The following INVS variants were observed in gnomAD, a reference collection of about 807,000 sequenced individuals.
INVS encodes inversin, also known as inversion of embryo turning homolog.
INVS carries 86 observed loss-of-function variants against 108.8 expected under a neutral mutation model. The ratio of observed to expected loss-of-function variants is 0.79; its 90% CI spans 0.66 to 0.95. The LOEUF is 0.95. Among genes scored for constraint, INVS ranks in the 40% least tolerant of loss-of-function variants. The probability of loss-of-function intolerance (pLI) is 0.00; values close to 1 mark genes in which losing one functional copy is unlikely to be tolerated. For missense variants in INVS, 1,169 were observed against 1,297.4 expected (o/e 0.90, Z 1.52); for synonymous variants, 455 against 473.5 (o/e 0.96, Z 0.51).
Position 100,126,496 on chromosome 9 carries a change from G to T in INVS, c.220G>T (p.Val74Leu). Reference sequence around the variant, plus strand: ...TGCTCTTCTGAAGGCAGGAGCAGATGTGAATAAAACTGACCATAGCCAGAG... The same window carrying T: ...TGCTCTTCTGAAGGCAGGAGCAGATTTGAATAAAACTGACCATAGCCAGAG... ...ADALLKAGAD[V>L]NKTDHSQRTA... is the part of the protein sequence containing the mutation. Residue 74 changes from valine (V) to leucine (L), a missense_variant, in exon 3 of 17, where the codon GTG becomes TTG. Val to Leu is a conservative substitution (Grantham distance 32, BLOSUM62 1). Transcript: ENST00000262457. 1 of 1,614,186 alleles carries T rather than the reference G, an allele frequency of 6.2e-7. No homozygotes were observed. The highest frequency in any genetic ancestry group is 1.6e-4 in the Middle Eastern group (1 of 6,062).
intron 3 of INVS, among the ~76,000 whole-genome samples, 180 bp downstream of exon 3, chr9:100,126,729 C>T (rs1036510874): frequency 2.6e-5 from 4 of 152,094 alleles, no homozygotes; most frequent in African/African-American, 4.8e-5. Flanking sequence ...TAACTATCAG[C>T]GGCTGCATTT....
chr9:100,231,321 TA>T (rs1157815710), intron 5 of INVS, among the ~76,000 whole-genome samples: 1 of 152,186 alleles, frequency 6.6e-6, no homozygotes, highest in East Asian at 1.9e-4. Context: ...ATTTTCCTTC[TA>T]AAGTTATTAT....
At chr9:100,241,078 G>A (rs1363699660) in intron 6 of INVS, among the ~76,000 whole-genome samples, 1 of 152,038 alleles carries the variant, frequency 6.6e-6, no homozygotes, top group African/African-American at 2.4e-5. Flanking sequence ...TTTAGTACTT[G>A]TTAATGTAAT....
intron 3 of INVS, among the ~76,000 whole-genome samples, chr9:100,210,350 A>T (rs1194157246): frequency 6.6e-6 from 1 of 152,214 alleles, no homozygotes; most frequent in Non-Finnish European, 1.5e-5. Flanking sequence ...AATTGATTGG[A>T]AGGAGTGGGA....
At chr9:100,273,682 C>T (rs992059186) in intron 12 of INVS, among the ~76,000 whole-genome samples, 10 of 151,532 alleles carry the variant, frequency 6.6e-5, no homozygotes, top group East Asian at 6.0e-4. Flanking sequence ...GGACTACAGG[C>T]GCGCGCCACC....
chr9:100,143,545 T>TG (rs1828501242), intron 3 of INVS, among the ~76,000 whole-genome samples: 1 of 151,250 alleles, frequency 6.6e-6, no homozygotes, highest in South Asian at 2.1e-4. Flanking sequence ...TGGGTTAAGA[T>TG]GGGGAGATAC....
chr9:100,301,348 C>T lies in INVS; in HGVS notation c.*674C>T, dbSNP rs1214420057. ...CTCTCAAGGCCACAAGTTGCCGCCA[C>T]GTCTTCACTGAATGGCTTTCTCAGT... is the stretch of plus-strand genomic sequence containing the variant. On this transcript the variant is annotated 3_prime_UTR_variant, in exon 17 of 17. Transcript: ENST00000262457. Among the ~76,000 whole-genome samples the T allele has an allele frequency of 3.3e-5, 5 of 152,188 alleles. No individual in the cohort carries two copies. The highest frequency in any genetic ancestry group is 1.2e-4 in the African/African-American group (5 of 41,448).
At position 100,147,577 on chromosome 9, in the gene INVS, C is replaced by T. The variant is rs373090136; in HGVS notation, c.273+21028C>T. ...AATTGCAAATGCATATACCCTTTGACCAGGCAATTCCATTTCTGGTAATTT... is the reference window on the plus strand; with the variant it reads ...AATTGCAAATGCATATACCCTTTGATCAGGCAATTCCATTTCTGGTAATTT... On this transcript the variant is annotated intron_variant, in intron 3 of 16. Transcript: ENST00000262457. Among the ~76,000 whole-genome samples, 15 of 152,220 alleles carry T rather than the reference C, an allele frequency of 9.9e-5. No individual in the cohort carries two copies. In the South Asian group the frequency reaches 2.9e-3, roughly 29 times the overall value.
intron 7 of INVS, among the ~76,000 whole-genome samples, chr9:100,245,328 G>C (rs1832008711): frequency 6.6e-6 from 1 of 152,170 alleles, no homozygotes; most frequent in Non-Finnish European, 1.5e-5. Context: ...TGCCCAGGCT[G>C]GAGTGCAATG....
chr9:100,175,592 G>T, intron 3 of INVS: 1 of 697,742 alleles, frequency 1.4e-6, no homozygotes, highest in African/African-American at 1.8e-5. Flanking sequence ...TAAAATATAA[G>T]AGGTGGCAGA....
chr9:100,179,823 A>G (rs373017843), intron 3 of INVS, among the ~76,000 whole-genome samples: 2 of 152,222 alleles, frequency 1.3e-5, no homozygotes, highest in African/African-American at 4.8e-5. Flanking sequence ...TCTCCACCCC[A>G]TATCAACAGA....
At position 100,297,120 on chromosome 9, in the gene INVS, A is replaced by T; in HGVS notation, c.2990A>T (p.Lys997Met). 1.2e-6 allele frequency: 2 copies of T among 1,614,090 alleles called. No individual in the cohort carries two copies. The highest frequency in any genetic ancestry group is 4.5e-5 in the East Asian group (2 of 44,852). Residue 997 changes from lysine (K) to methionine (M), a missense_variant, in exon 15 of 17, where the codon AAG becomes ATG. This residue lies in a region of INVS where 533 missense variants were observed against 536.0 expected (regional missense o/e 0.99). Coordinates refer to ENST00000262457, the MANE Select transcript of INVS (RefSeq NM_014425.5). Reference sequence around the variant, plus strand: ...GGCACCTCAGGCACAAAGTCCACCAAGCACTCAGTGCTTAAGCAAATCTAT... The same window carrying T: ...GGCACCTCAGGCACAAAGTCCACCATGCACTCAGTGCTTAAGCAAATCTAT... ...SKGTSGTKST[K>M]HSVLKQIYGC...
chr9:100,212,117 C>T (rs1830849153), intron 3 of INVS, among the ~76,000 whole-genome samples: 2 of 152,138 alleles, frequency 1.3e-5, no homozygotes, highest in Admixed American at 1.3e-4. Context: ...GTTTGCTTCC[C>T]TATAAAATCA....
intron 2 of INVS, among the ~76,000 whole-genome samples, chr9:100,109,581 C>T (rs1007728390): frequency 6.6e-6 from 1 of 152,174 alleles, no homozygotes; most frequent in Admixed American, 6.5e-5. Context: ...CCAGGAAGCA[C>T]CATTCTGATT....
chr9:100,218,035 A>G (rs1338772798), intron 3 of INVS, among the ~76,000 whole-genome samples: 4 of 152,074 alleles, frequency 2.6e-5, no homozygotes, highest in African/African-American at 7.2e-5. Flanking sequence ...TCATGTTTCT[A>G]TTTTTCCATT....
At chr9:100,106,984 T>C (rs1212467702) in intron 2 of INVS, among the ~76,000 whole-genome samples, 1 of 152,212 alleles carries the variant, frequency 6.6e-6, no homozygotes, top group African/African-American at 2.4e-5. Context: ...GGGCAAATAT[T>C]GCTGTCTGTC....
chr9:100,104,425 C>A (rs1827104615), intron 1 of INVS, 73 bp from the exon 2 acceptor site: 2 of 792,250 alleles, frequency 2.5e-6, no homozygotes, highest in East Asian at 5.1e-5. Context: ...TTATAAAATA[C>A]CCACTTGGAA....
At chr9:100,238,684 C>T (rs953575554) in intron 5 of INVS, among the ~76,000 whole-genome samples, 3 of 152,144 alleles carry the variant, frequency 2.0e-5, no homozygotes, top group African/African-American at 4.8e-5. Context: ...GATCTGTCTT[C>T]GAGTTTACTA....
chr9:100,261,222 T>G (rs1379155372), intron 10 of INVS, among the ~76,000 whole-genome samples: 1 of 151,934 alleles, frequency 6.6e-6, no homozygotes, highest in Non-Finnish European at 1.5e-5. Context: ...CAAAGAAAAG[T>G]ATGTAAAATA....
Sources: gnomAD v4.1 joint callset for allele counts (sites outside exome capture counted in the v4.1 genomes callset) on GRCh38, gnomAD v4.1.1 for gene constraint, gnomAD v4.1.1 regional missense constraint, MANE v1.5 for transcripts, NCBI Gene and HGNC (gene_info 2026-07-23, HGNC 2026-07-21) for gene names.